Variants in ZNF207 observed in about 807,000 individuals in gnomAD.
ZNF207 encodes BUB3-interacting and GLEBS motif-containing protein ZNF207.
ZNF207 carries 24 observed loss-of-function variants against 60.2 expected under a neutral mutation model. That is an observed-to-expected ratio of 0.40 (90% CI 0.29 to 0.56). ZNF207 has a LOEUF of 0.56. Ranked by LOEUF, ZNF207 falls within the 20% of genes least tolerant of loss-of-function variation. ZNF207 has a pLI of 0.49. For missense variants in ZNF207, 452 were observed against 636.6 expected, an observed-to-expected ratio of 0.71 and a Z score of 3.12; for synonymous variants, 236 against 194.7, an observed-to-expected ratio of 1.21 and a Z score of -1.77.
At chr17:32,361,833 A>G (rs1255684798) in intron 6 of ZNF207, among the ~76,000 whole-genome samples, 3 of 152,184 alleles carry the variant, frequency 2.0e-5, no homozygotes, top group Non-Finnish European at 4.4e-5. Flanking sequence ...TTATTATAGG[A>G]TGTAATGGAA....
At chr17:32,367,286 A>ATATATATATAT (rs1905245956) in intron 9 of ZNF207, among the ~76,000 whole-genome samples, 2 of 43,346 alleles carry the variant, frequency 4.6e-5, no homozygotes, top group Non-Finnish European at 6.4e-5. Context: ...TATATATATA[A>ATATATATATAT]AGAATACTAC....
chr17:32,356,398 A>G (rs1032778360), intron 2 of ZNF207, among the ~76,000 whole-genome samples: 1 of 152,240 alleles, frequency 6.6e-6, no homozygotes, highest in African/African-American at 2.4e-5. Context: ...GGAAACGGCA[A>G]TTAAGTCACT....
At chr17:32,363,933 A>G (rs1905028551) in intron 7 of ZNF207, among the ~76,000 whole-genome samples, 1 of 152,026 alleles carries the variant, frequency 6.6e-6, no homozygotes, top group Non-Finnish European at 1.5e-5. Flanking sequence ...GCTTTTTTTG[A>G]CTTTGCTCAC....
intron 6 of ZNF207, among the ~76,000 whole-genome samples, chr17:32,362,181 T>G (rs1375863434): frequency 6.6e-6 from 1 of 151,450 alleles, no homozygotes; most frequent in Non-Finnish European, 1.5e-5. Context: ...TGACACAGGG[T>G]CTCTTACTCT....
chr17:32,368,275 T>G, intron 10 of ZNF207: 1 of 468,954 alleles, frequency 2.1e-6, no homozygotes, highest in African/African-American at 1.9e-5. Flanking sequence ...GGTTCTTAAC[T>G]CTCTTAAAAA....
chr17:32,358,847 T>C (rs1054066574), intron 3 of ZNF207, among the ~76,000 whole-genome samples: 2 of 151,982 alleles, frequency 1.3e-5, no homozygotes, highest in African/African-American at 4.8e-5. Context: ...CAGGCTGGAG[T>C]GCAGTAGCAT....
intron 3 of ZNF207, among the ~76,000 whole-genome samples, chr17:32,360,287 G>A (rs1904792260): frequency 6.6e-6 from 1 of 151,454 alleles, no homozygotes; most frequent in Non-Finnish European, 1.5e-5. Context: ...GAGTTTGAGA[G>A]TGCAGTGAGC....
chr17:32,359,742 C>CA (rs998650170), intron 3 of ZNF207, among the ~76,000 whole-genome samples: 68 of 146,460 alleles, frequency 4.6e-4, no homozygotes, highest in South Asian at 2.4e-3. Context: ...CCTGTCTTTA[C>CA]AAAAAAAAAA....
Position 32,350,179 on chromosome 17 carries a change from C to G in ZNF207, c.-107C>G. On this transcript the variant is annotated 5_prime_UTR_variant, in exon 1 of 12. Transcript: ENST00000394670. ...GCCGTCGGCCATTTTGTGTCTGCTT[C>G]CTGTGGGACGTGGTGGTAGCCGTTG... 2 of 1,544,718 alleles carry G rather than the reference C, an allele frequency of 1.3e-6. No individual in the cohort carries two copies. The highest frequency in any genetic ancestry group is 8.9e-7 in the Non-Finnish European group (1 of 1,119,700).
chr17:32,379,581 C>T lies in ZNF207; in HGVS notation c.*9822C>T, dbSNP rs1320459278. ...ATTGCATAGGTGTAAAATTAAGATA[C>T]CAGAACTTCATTCTGTTCTTGTTGA... On this transcript the variant is annotated 3_prime_UTR_variant, in exon 12 of 12. Transcript: ENST00000394670. The T allele has an allele frequency of 1.3e-5, 2 of 152,018 alleles. No homozygotes were observed. The highest frequency in any genetic ancestry group is 1.3e-4 in the Admixed American group (2 of 15,258). The allele number at this position is 152,018 out of a possible 1,614,324, so 9.4% of individuals were successfully genotyped here.
At position 32,367,265 on chromosome 17, in the gene ZNF207, AT is replaced by A. The variant is rs1567824950; in HGVS notation, c.922-506del. On this transcript the variant is annotated intron_variant, in intron 9 of 11. Coordinates refer to ENST00000394670, the MANE Select transcript of ZNF207 (RefSeq NM_001098507.2). ...TATATATATATATATATATATATAT[AT>A]ATATATATATATATATATAAAGAAT... 8.5e-3 allele frequency among the ~76,000 whole-genome samples: 1,053 copies of A among 123,326 alleles called. 57 individuals are homozygous for A. The highest frequency in any genetic ancestry group is 0.029 in the African/African-American group (997 of 34,474). The allele number at this position is 123,326 out of a possible 152,430, so 80.9% of individuals were successfully genotyped here.
At chr17:32,365,608 T>A in intron 8 of ZNF207, 121 bp downstream of exon 8, 1 of 879,626 alleles carries the variant, frequency 1.1e-6, no homozygotes, top group Non-Finnish European at 1.5e-6. Flanking sequence ...TAATATTATT[T>A]ATTAAATATA....
rs1905733635 is a variant in ZNF207, at chr17:32,377,887, T to G, written c.*8128T>G. ...AAACTATGGATTGAACTCCTCAGTT[T>G]AATACAATTTGTGTTTTTGTTAACT... On this transcript the variant is annotated 3_prime_UTR_variant, in exon 12 of 12. Transcript: ENST00000394670. 6.6e-6 allele frequency: 1 copy of G among 152,466 alleles called. No individual in the cohort carries two copies. The highest frequency in any genetic ancestry group is 1.5e-5 in the Non-Finnish European group (1 of 67,870). The allele number at this position is 152,466 out of a possible 1,614,324, so 9.4% of individuals were successfully genotyped here. A position where few individuals can be genotyped will look rare whatever the true frequency, so the allele number is the denominator to read the frequency against.
At position 32,377,688 on chromosome 17, in the gene ZNF207, C is replaced by G. The variant is rs978501267; in HGVS notation, c.*7929C>G. On this transcript the variant is annotated 3_prime_UTR_variant, in exon 12 of 12. Transcript: ENST00000394670. ...TAATCAAAATTTCTATCACAGTTCA[C>G]ATACTGGAATACATAGTAAAATTGA... 6.6e-6 allele frequency: 1 copy of G among 151,378 alleles called. No homozygotes were observed. Among genetic ancestry groups the G allele is most frequent in the African/African-American group, 2.4e-5 (1 of 41,244 alleles). The allele number at this position is 151,378 out of a possible 1,614,324, so 9.4% of individuals were successfully genotyped here. A position where few individuals can be genotyped will look rare whatever the true frequency, so the allele number is the denominator to read the frequency against.
At position 32,350,195 on chromosome 17, in the gene ZNF207, G is replaced by A. The variant is rs780529544; in HGVS notation, c.-91G>A. 38 of 1,575,800 alleles carry A rather than the reference G, an allele frequency of 2.4e-5. No individual in the cohort carries two copies. Among genetic ancestry groups the A allele is most frequent in the Non-Finnish European group, 8.7e-7 (1 of 1,146,326 alleles). On this transcript the variant is annotated 5_prime_UTR_variant, in exon 1 of 12. Coordinates refer to ENST00000394670, the MANE Select transcript of ZNF207 (RefSeq NM_001098507.2). Reference sequence around the variant, plus strand: ...TGTCTGCTTCCTGTGGGACGTGGTGGTAGCCGTTGGGTTGGGAAAGTGAGG... The same window carrying A: ...TGTCTGCTTCCTGTGGGACGTGGTGATAGCCGTTGGGTTGGGAAAGTGAGG...
At position 32,373,160 on chromosome 17, in the gene ZNF207, C is replaced by G. The variant is rs748767687; in HGVS notation, c.*3401C>G. Reference sequence around the variant, plus strand: ...ATATTCCTACTGTACTCCTATTCCACTAAGTTACATTTTGAACTTAGACTC... The same window carrying G: ...ATATTCCTACTGTACTCCTATTCCAGTAAGTTACATTTTGAACTTAGACTC... On this transcript the variant is annotated 3_prime_UTR_variant, in exon 12 of 12. Coordinates refer to ENST00000394670, the MANE Select transcript of ZNF207 (RefSeq NM_001098507.2). 7.5e-6 allele frequency: 3 copies of G among 399,092 alleles called. No individual in the cohort carries two copies. Among genetic ancestry groups the G allele is most frequent in the Non-Finnish European group, 1.3e-5 (3 of 223,558 alleles). The allele number at this position is 399,092 out of a possible 1,614,324, so 24.7% of individuals were successfully genotyped here. A position where few individuals can be genotyped will look rare whatever the true frequency, so the allele number is the denominator to read the frequency against.
In ZNF207 at chr17:32,350,241, C is replaced by A. The variant is rs372983891; in HGVS notation, c.-45C>A. ...TGAGGGATTTTTGGCCTCGTTTCTC[C>A]TGCTTCTTTTCTCCTCCCTTTTACT... is the stretch of plus-strand genomic sequence containing the variant. On this transcript the variant is annotated 5_prime_UTR_variant, in exon 1 of 12. The change creates a new upstream start codon in the 5' untranslated region. Transcript: ENST00000394670. 1.2e-6 allele frequency: 2 copies of A among 1,613,456 alleles called. No individual in the cohort carries two copies. The highest frequency in any genetic ancestry group is 1.7e-6 in the Non-Finnish European group (2 of 1,179,586).
chr17:32,364,838 ATAAT>A (rs1245164009), intron 7 of ZNF207, among the ~76,000 whole-genome samples: 2 of 152,250 alleles, frequency 1.3e-5, no homozygotes, highest in African/African-American at 4.8e-5. Flanking sequence ...ATACAGAATA[ATAAT>A]TGATGTTCAT....
Position 32,373,544 on chromosome 17 carries a change from G to A in ZNF207, c.*3785G>A. On this transcript the variant is annotated 3_prime_UTR_variant, in exon 12 of 12. Coordinates refer to ENST00000394670, the MANE Select transcript of ZNF207 (RefSeq NM_001098507.2). ...TCCCCAAACTTGCAGCAAGTTTGGT[G>A]AAGGCCCCTAAATTTAATTAAACTT... is the stretch of plus-strand genomic sequence containing the variant. 2.2e-6 allele frequency: 1 copy of A among 448,990 alleles called. No homozygotes were observed. The highest frequency in any genetic ancestry group is 3.3e-5 in the East Asian group (1 of 30,598). The allele number at this position is 448,990 out of a possible 1,614,324, so 27.8% of individuals were successfully genotyped here.
Sources: gnomAD v4.1 joint callset for allele counts (sites outside exome capture counted in the v4.1 genomes callset) on GRCh38, gnomAD v4.1.1 for gene constraint, MANE v1.5 for transcripts, NCBI Gene and HGNC (gene_info 2026-07-23, HGNC 2026-07-21) for gene names.